Variants in FHL5 observed in about 807,000 individuals in gnomAD.
FHL5 encodes four and a half LIM domains protein 5.
Under a neutral mutation model 32.0 loss-of-function variants are expected in FHL5, and 33 were observed. The ratio of observed to expected loss-of-function variants is 1.03; its 90% CI spans 0.78 to 1.38. The LOEUF (loss-of-function observed/expected upper bound fraction) is 1.38, where lower values mean the gene tolerates loss of function less well. Ranked by LOEUF, FHL5 falls within the 40% of genes most tolerant of loss-of-function variation. The probability of loss-of-function intolerance (pLI) is 0.00; values close to 1 mark genes in which losing one functional copy is unlikely to be tolerated. For synonymous variants in FHL5, 114 were observed against 113.6 expected, an observed-to-expected ratio of 1.00 and a Z score of -0.02; for missense variants, 336 against 343.9, an observed-to-expected ratio of 0.98 and a Z score of 0.18.
chr6:96,595,354 A>AT (rs537856060), intron 1 of FHL5, among the ~76,000 whole-genome samples: 1,793 of 149,560 alleles, frequency 0.012, 32 homozygotes, highest in African/African-American at 0.034. Context: ...TGTTTTAGAC[A>AT]TTTTTTTTTC....
chr6:96,576,265 G>A (rs886686374), intron 1 of FHL5, among the ~76,000 whole-genome samples: 2 of 152,190 alleles, frequency 1.3e-5, no homozygotes, highest in African/African-American at 4.8e-5. Flanking sequence ...TCTTCCATCT[G>A]CAAATATTTA....
intron 1 of FHL5, among the ~76,000 whole-genome samples, chr6:96,581,622 G>A (rs146401426): frequency 2.6e-5 from 4 of 152,196 alleles, no homozygotes; most frequent in Non-Finnish European, 5.9e-5. Context: ...CATGCAACAG[G>A]AAGAACTTCC....
intron 1 of FHL5, among the ~76,000 whole-genome samples, chr6:96,590,034 C>G (rs1770882338): frequency 1.3e-5 from 2 of 151,822 alleles, no homozygotes; most frequent in African/African-American, 4.8e-5. Context: ...GTATTTAATC[C>G]TGTGTTTATA....
chr6:96,614,013 C>A (rs1485774863), intron 5 of FHL5, among the ~76,000 whole-genome samples: 4 of 152,212 alleles, frequency 2.6e-5, no homozygotes, highest in Non-Finnish European at 5.9e-5. Context: ...TCATGAATGG[C>A]TTTCTTACTG....
chr6:96,610,759 G>T lies in FHL5; in HGVS notation c.691+1G>T. On this transcript the variant is annotated splice_donor_variant, in intron 5 of 5. Transcript: ENST00000450218. LOFTEE classifies it high-confidence loss of function. Reference sequence around the variant, plus strand: ...GTAGCCTGTTCCAAACCCATTAGTGGTGAGTTCTTCAGTTCAATATGATCA... The same window carrying T: ...GTAGCCTGTTCCAAACCCATTAGTGTTGAGTTCTTCAGTTCAATATGATCA... 2 of 1,606,786 alleles carry T rather than the reference G, an allele frequency of 1.2e-6. No homozygotes were observed. The highest frequency in any genetic ancestry group is 8.5e-7 in the Non-Finnish European group (1 of 1,174,608).
intron 1 of FHL5, among the ~76,000 whole-genome samples, chr6:96,600,332 C>T (rs749010793): frequency 2.6e-5 from 4 of 152,172 alleles, no homozygotes; most frequent in Non-Finnish European, 5.9e-5. Context: ...CCTTCTTCAT[C>T]CTTAATGTAC....
chr6:96,576,026 A>AC (rs1193579065), intron 1 of FHL5, among the ~76,000 whole-genome samples: 1 of 152,166 alleles, frequency 6.6e-6, no homozygotes, highest in East Asian at 1.9e-4. Flanking sequence ...GAGCTTGCAG[A>AC]CCACTCCCCT....
chr6:96,572,766 G>A (rs1210807192), intron 1 of FHL5, among the ~76,000 whole-genome samples: 1 of 152,158 alleles, frequency 6.6e-6, no homozygotes, highest in Non-Finnish European at 1.5e-5. Context: ...GGAGATTGTT[G>A]GAGTCATCCT....
intron 1 of FHL5, among the ~76,000 whole-genome samples, chr6:96,593,650 C>T (rs531982695): frequency 3.3e-5 from 5 of 152,104 alleles, no homozygotes; most frequent in Non-Finnish European, 5.9e-5. Flanking sequence ...ATCTTTGTCC[C>T]CTTAGCCTTT....
chr6:96,572,240 G>A (rs768074309), intron 1 of FHL5, among the ~76,000 whole-genome samples: 10 of 152,272 alleles, frequency 6.6e-5, no homozygotes, highest in Non-Finnish European at 1.3e-4. Context: ...TTAAGTAATG[G>A]AGTGCATGAC....
intron 5 of FHL5, among the ~76,000 whole-genome samples, chr6:96,613,614 T>A: frequency 6.6e-6 from 1 of 152,358 alleles, no homozygotes; most frequent in African/African-American, 2.4e-5. Context: ...GAATTTCAAA[T>A]GTTGTGGCTT....
chr6:96,594,897 T>C (rs763240229), intron 1 of FHL5, among the ~76,000 whole-genome samples: 4 of 152,078 alleles, frequency 2.6e-5, no homozygotes, highest in African/African-American at 4.8e-5. Flanking sequence ...TTTCCAGCAA[T>C]ACAAGGATTA....
At chr6:96,607,719 A>ACGT (rs1227723843) in intron 4 of FHL5, among the ~76,000 whole-genome samples, 1 of 152,116 alleles carries the variant, frequency 6.6e-6, no homozygotes, top group East Asian at 1.9e-4. Flanking sequence ...ATGGTGGCTC[A>ACGT]CGTCTGTAAT....
intron 1 of FHL5, among the ~76,000 whole-genome samples, chr6:96,567,723 C>A (rs1023388829): frequency 2.7e-5 from 4 of 149,642 alleles, no homozygotes; most frequent in Non-Finnish European, 1.5e-5. Flanking sequence ...AAATATATTC[C>A]TACATGGCTT....
At chr6:96,608,183 C>T (rs552370581) in intron 4 of FHL5, among the ~76,000 whole-genome samples, 1 of 152,240 alleles carries the variant, frequency 6.6e-6, no homozygotes, top group Non-Finnish European at 1.5e-5. Context: ...ATAATGAAGA[C>T]TCTTTCAATG....
rs1397553094 is a variant in FHL5, at chr6:96,618,258, G to C, written c.*2486G>C. On this transcript the variant is annotated 3_prime_UTR_variant, in exon 6 of 6. Transcript: ENST00000450218. The stretch of plus-strand genomic sequence containing the variant: ...ATGAAATGGACTGACTCAGGAAACA[G>C]TGGGCTCCCAGTAATTCAAAGGTGA... Among the ~76,000 whole-genome samples, 1 of 152,230 alleles carries C rather than the reference G, an allele frequency of 6.6e-6. No individual in the cohort carries two copies. The highest frequency in any genetic ancestry group is 1.5e-5 in the Non-Finnish European group (1 of 68,044).
intron 4 of FHL5, among the ~76,000 whole-genome samples, chr6:96,609,253 T>C (rs1214588785): frequency 6.6e-6 from 1 of 152,202 alleles, no homozygotes; most frequent in Non-Finnish European, 1.5e-5. Flanking sequence ...CGGCTTAAAA[T>C]AGGCTCTAAG....
chr6:96,587,068 C>A (rs1022136902), intron 1 of FHL5, among the ~76,000 whole-genome samples: 1 of 152,180 alleles, frequency 6.6e-6, no homozygotes, highest in Non-Finnish European at 1.5e-5. Context: ...ATGGCAACAG[C>A]TTTTTGGGAT....
At chr6:96,566,746 T>TTAA (rs910897381) in intron 1 of FHL5, among the ~76,000 whole-genome samples, 2 of 151,964 alleles carry the variant, frequency 1.3e-5, no homozygotes, top group African/African-American at 4.8e-5. Context: ...ACCCTGATGA[T>TTAA]TAATGACATT....
Sources: allele counts gnomAD v4.1 joint callset (sites outside exome capture counted in the v4.1 genomes callset), GRCh38; gene constraint gnomAD v4.1.1; transcripts MANE v1.5; gene names NCBI Gene and HGNC (gene_info 2026-07-23, HGNC 2026-07-21).